The following TBC1D22B variants were observed in gnomAD, a reference collection of about 807,000 sequenced individuals.
TBC1D22B encodes chromosome 6 open reading frame 197.
TBC1D22B carries 32 observed loss-of-function variants against 69.1 expected under a neutral mutation model. That is an observed-to-expected ratio of 0.46 (90% CI 0.35 to 0.62). The LOEUF (loss-of-function observed/expected upper bound fraction) is 0.62, where lower values mean the gene tolerates loss of function less well. TBC1D22B is among the 20% of genes least tolerant of loss of function. The pLI, the probability that TBC1D22B is intolerant of heterozygous loss-of-function variation, is 0.00. For missense variants in TBC1D22B, 462 were observed against 630.9 expected (o/e 0.73, Z 2.87); for synonymous variants, 206 against 229.8 (o/e 0.90, Z 0.94).
intron 4 of TBC1D22B, among the ~76,000 whole-genome samples, 192 bp from the exon 5 acceptor site, chr6:37,282,690 A>G (rs931067365): frequency 6.6e-6 from 1 of 152,084 alleles, no homozygotes; most frequent in Non-Finnish European, 1.5e-5. Flanking sequence ...AGCTGACAGG[A>G]CTGCTACTGC....
At chr6:37,313,489 C>CA (rs60514210) in intron 9 of TBC1D22B, among the ~76,000 whole-genome samples, 15 of 141,456 alleles carry the variant, frequency 1.1e-4, no homozygotes, top group Non-Finnish European at 2.0e-4. Flanking sequence ...GACCCTATCT[C>CA]AAAAAAAAAA....
chr6:37,307,187 A>G (rs1767747642), intron 8 of TBC1D22B, among the ~76,000 whole-genome samples: 1 of 152,206 alleles, frequency 6.6e-6, no homozygotes, highest in Non-Finnish European at 1.5e-5. Context: ...GTTCAAAATT[A>G]TTACATAGAA....
chr6:37,306,448 A>G (rs1767721349), intron 8 of TBC1D22B, among the ~76,000 whole-genome samples: 1 of 152,150 alleles, frequency 6.6e-6, no homozygotes, highest in Non-Finnish European at 1.5e-5. Context: ...CATGCTGCCC[A>G]TCTCTGTGAG....
chr6:37,299,744 T>C (rs1362334659), intron 8 of TBC1D22B, among the ~76,000 whole-genome samples: 1 of 151,904 alleles, frequency 6.6e-6, no homozygotes, highest in African/African-American at 2.4e-5. Flanking sequence ...GCATGGTGGC[T>C]CACATCTGTA....
intron 8 of TBC1D22B, among the ~76,000 whole-genome samples, chr6:37,294,715 A>C (rs900219811): frequency 6.6e-6 from 1 of 152,216 alleles, no homozygotes; most frequent in Non-Finnish European, 1.5e-5. Flanking sequence ...GATTTATTGA[A>C]TATTTTGAGG....
intron 10 of TBC1D22B, 151 bp downstream of exon 10, chr6:37,314,042 C>A: frequency 1.4e-6 from 1 of 707,378 alleles, no homozygotes; most frequent in Non-Finnish European, 2.5e-6. Context: ...GATCCTTCCA[C>A]ATCTCAGCAG....
chr6:37,298,539 G>GTTTTGTTTTTTTT (rs1346408261), intron 8 of TBC1D22B, among the ~76,000 whole-genome samples: 1 of 71,218 alleles, frequency 1.4e-5, no homozygotes, highest in African/African-American at 6.1e-5. Flanking sequence ...GTTGCCTACA[G>GTTTTGTTTTTTTT]TTTTTTTTTT....
intron 8 of TBC1D22B, among the ~76,000 whole-genome samples, chr6:37,310,487 G>A (rs1767872368): frequency 6.6e-6 from 1 of 152,098 alleles, no homozygotes; most frequent in Non-Finnish European, 1.5e-5. Context: ...TGGCCAACAT[G>A]GTGAAACCCC....
intron 12 of TBC1D22B, among the ~76,000 whole-genome samples, chr6:37,320,979 A>G (rs1768223630): frequency 6.6e-6 from 1 of 152,192 alleles, no homozygotes; most frequent in Non-Finnish European, 1.5e-5. Context: ...AATCATAATA[A>G]TATGTTAGGT....
At chr6:37,315,247 A>G (rs1768042658) in intron 10 of TBC1D22B, among the ~76,000 whole-genome samples, 1 of 152,198 alleles carries the variant, frequency 6.6e-6, no homozygotes, top group Non-Finnish European at 1.5e-5. Flanking sequence ...GTTTCTTTGC[A>G]TTGTAGAAGT....
At chr6:37,266,624 G>A (rs1766281852) in intron 1 of TBC1D22B, among the ~76,000 whole-genome samples, 1 of 151,950 alleles carries the variant, frequency 6.6e-6, no homozygotes, top group Admixed American at 6.6e-5. Flanking sequence ...ACCATGCCCG[G>A]CTAATTTTTG....
chr6:37,322,369 C>G (rs890543114), intron 12 of TBC1D22B, among the ~76,000 whole-genome samples: 1 of 152,132 alleles, frequency 6.6e-6, no homozygotes, highest in African/African-American at 2.4e-5. Flanking sequence ...GAAACTCCGT[C>G]AGCCAGGTGT....
rs141765620 is a variant in TBC1D22B at position 37,319,478 on chromosome 6, G to A, written c.1389+2272G>A. On this transcript the variant is annotated intron_variant, in intron 12 of 12. Transcript: ENST00000373491. Reference sequence around the variant, plus strand: ...ATGGCTTTTAGCAGTTCACAATATCGGCAGAACAGAGGACAATACTCTGTG... The same window carrying A: ...ATGGCTTTTAGCAGTTCACAATATCAGCAGAACAGAGGACAATACTCTGTG... Among the ~76,000 whole-genome samples, 58 of 152,276 alleles carry A rather than the reference G, an allele frequency of 3.8e-4. 2 individuals are homozygous for A. In the East Asian group the frequency reaches 0.011, roughly 28 times the overall value.
Position 37,316,831 on chromosome 6 carries a change from G to A in TBC1D22B, c.1293+1G>A. On this transcript the variant is annotated splice_donor_variant, in intron 11 of 12. Coordinates refer to ENST00000373491, the MANE Select transcript of TBC1D22B (RefSeq NM_017772.4). LOFTEE classifies it high-confidence loss of function. ...CATCCGCCTGTGGGACACATATCAG[G>A]TAGGAGGGATTCCCCGGCCTCTCTG... 1 of 1,614,144 alleles carries A rather than the reference G, an allele frequency of 6.2e-7. No individual in the cohort carries two copies. Among genetic ancestry groups the A allele is most frequent in the Non-Finnish European group, 8.5e-7 (1 of 1,180,020 alleles).
At chr6:37,312,169 C>T (rs1371927668) in intron 8 of TBC1D22B, among the ~76,000 whole-genome samples, 1 of 152,216 alleles carries the variant, frequency 6.6e-6, no homozygotes, top group Non-Finnish European at 1.5e-5. Context: ...TTACTTAATG[C>T]AGAATTTCTG....
intron 12 of TBC1D22B, among the ~76,000 whole-genome samples, chr6:37,320,872 T>C (rs1768220508): frequency 6.6e-6 from 1 of 152,226 alleles, no homozygotes; most frequent in African/African-American, 2.4e-5. Flanking sequence ...CGTGGCAGCT[T>C]GAAATGCGAG....
intron 12 of TBC1D22B, among the ~76,000 whole-genome samples, chr6:37,320,126 C>T (rs1285854838): frequency 1.3e-5 from 2 of 152,192 alleles, no homozygotes; most frequent in Non-Finnish European, 2.9e-5. Flanking sequence ...AAACTGGTTA[C>T]ACTTGAAGAA....
intron 12 of TBC1D22B, among the ~76,000 whole-genome samples, chr6:37,323,722 C>T (rs1001037185): frequency 1.3e-5 from 2 of 152,204 alleles, no homozygotes; most frequent in African/African-American, 4.8e-5. Flanking sequence ...CACAGGGGTG[C>T]GATTGTGGAA....
chr6:37,272,419 T>G (rs1766517440), intron 2 of TBC1D22B, among the ~76,000 whole-genome samples: 1 of 151,092 alleles, frequency 6.6e-6, no homozygotes, highest in South Asian at 2.1e-4. Flanking sequence ...TAGAGTGCAC[T>G]GGCACGATCA....
Sources: allele counts gnomAD v4.1 joint callset (sites outside exome capture counted in the v4.1 genomes callset), GRCh38; gene constraint gnomAD v4.1.1; transcripts MANE v1.5; gene names NCBI Gene and HGNC (gene_info 2026-07-23, HGNC 2026-07-21).